Variants in DLG2 observed in about 807,000 individuals in gnomAD.
The protein encoded by DLG2 is discs large MAGUK scaffold protein 2, also known as disks large homolog 2.
DLG2 carries 45 observed loss-of-function variants against 132.5 expected under a neutral mutation model. The ratio of observed to expected loss-of-function variants is 0.34; its 90% CI spans 0.27 to 0.44. The LOEUF is 0.44. Among genes scored for constraint, DLG2 ranks in the 20% least tolerant of loss-of-function variants. DLG2 has a pLI of 1.00. For missense variants in DLG2, 1,045 were observed against 1,196.9 expected (o/e 0.87, Z 1.87); for synonymous variants, 424 against 419.6 (o/e 1.01, Z -0.13).
intron 9 of DLG2, among the ~76,000 whole-genome samples, chr11:84,145,328 C>T (rs1356437438): frequency 6.6e-6 from 1 of 152,188 alleles, no homozygotes. Context: ...CTTAAGCAAA[C>T]ATAGATGGTA....
intron 7 of DLG2, among the ~76,000 whole-genome samples, chr11:84,476,546 C>A (rs775302032): frequency 1.3e-5 from 2 of 152,150 alleles, no homozygotes; most frequent in African/African-American, 4.8e-5. Flanking sequence ...ACAAGCAACA[C>A]TTGTGCAGAA....
intron 18 of DLG2, among the ~76,000 whole-genome samples, chr11:83,670,943 C>T (rs1362586478): frequency 6.6e-6 from 1 of 152,138 alleles, no homozygotes; most frequent in Non-Finnish European, 1.5e-5. Context: ...TGCTGTGTCT[C>T]ATGGAAGGTG....
At chr11:83,485,902 AG>A (rs1837924463) in intron 21 of DLG2, among the ~76,000 whole-genome samples, 2 of 152,294 alleles carry the variant, frequency 1.3e-5, no homozygotes, top group South Asian at 4.1e-4. Context: ...TCAGCAAAGT[AG>A]TAGAGCTCAA....
chr11:84,666,261 T>C (rs1384498850), intron 6 of DLG2, among the ~76,000 whole-genome samples: 2 of 152,108 alleles, frequency 1.3e-5, no homozygotes, highest in Non-Finnish European at 2.9e-5. Context: ...AAGACCTGAA[T>C]AGAACAAACA....
chr11:85,041,596 A>G (rs919092289), intron 6 of DLG2, among the ~76,000 whole-genome samples: 1 of 151,896 alleles, frequency 6.6e-6, no homozygotes, highest in Non-Finnish European at 1.5e-5. Flanking sequence ...TTAGAGAGGG[A>G]TAATACAGGA....
chr11:84,058,179 A>G (rs908645575), intron 11 of DLG2, among the ~76,000 whole-genome samples: 4 of 152,144 alleles, frequency 2.6e-5, no homozygotes, highest in Admixed American at 1.3e-4. Flanking sequence ...TTAGAGATTA[A>G]ATAGATTTTA....
intron 26 of DLG2, 31 bp from the exon 27 acceptor site, chr11:83,462,124 A>T: frequency 7.3e-7 from 1 of 1,376,890 alleles, no homozygotes; most frequent in Admixed American, 1.7e-5. Flanking sequence ...ATTAGAACAT[A>T]AAGGGAATAT....
At chr11:84,354,023 C>G (rs1289368856) in intron 7 of DLG2, among the ~76,000 whole-genome samples, 2 of 152,154 alleles carry the variant, frequency 1.3e-5, no homozygotes, top group Non-Finnish European at 2.9e-5. Context: ...TCTAGGAGGA[C>G]AGAGGGTGTG....
intron 5 of DLG2, among the ~76,000 whole-genome samples, chr11:85,112,982 T>A (rs1314594913): frequency 1.3e-5 from 2 of 152,066 alleles, no homozygotes; most frequent in East Asian, 3.9e-4. Context: ...TGCCTGTGAT[T>A]TGTAAGCTTT....
At chr11:84,838,589 T>C (rs2080142687) in intron 6 of DLG2, among the ~76,000 whole-genome samples, 1 of 151,940 alleles carries the variant, frequency 6.6e-6, no homozygotes, top group Non-Finnish European at 1.5e-5. Context: ...TTTTTATTCA[T>C]AATCCCTAGA....
intron 7 of DLG2, among the ~76,000 whole-genome samples, chr11:84,270,637 A>T (rs1383294973): frequency 6.6e-6 from 1 of 152,164 alleles, no homozygotes; most frequent in African/African-American, 2.4e-5. Flanking sequence ...TTCATAGCTT[A>T]TGGTGTGTGA....
chr11:84,708,756 G>C (rs1052443677), intron 6 of DLG2, among the ~76,000 whole-genome samples: 1 of 151,650 alleles, frequency 6.6e-6, no homozygotes, highest in Non-Finnish European at 1.5e-5. Flanking sequence ...GCAATTTGTT[G>C]GGGAAATAGC....
chr11:84,001,970 T>C (rs1419558429), intron 11 of DLG2, among the ~76,000 whole-genome samples: 1 of 151,828 alleles, frequency 6.6e-6, no homozygotes, highest in Non-Finnish European at 1.5e-5. Context: ...TTTATAGCAA[T>C]AAACATCATA....
At chr11:84,094,045 T>A (rs1373836462) in intron 10 of DLG2, among the ~76,000 whole-genome samples, 1 of 152,036 alleles carries the variant, frequency 6.6e-6, no homozygotes, top group African/African-American at 2.4e-5. Context: ...TATGTATACA[T>A]GTGCCATGCT....
At chr11:84,812,450 A>C (rs1319692587) in intron 6 of DLG2, among the ~76,000 whole-genome samples, 2 of 152,164 alleles carry the variant, frequency 1.3e-5, no homozygotes, top group Admixed American at 6.5e-5. Flanking sequence ...TTAAAGCCTC[A>C]GATTGCTTAG....
chr11:85,154,912 T>A (rs1005656126), intron 4 of DLG2, among the ~76,000 whole-genome samples: 1 of 152,138 alleles, frequency 6.6e-6, no homozygotes. Flanking sequence ...CATGGGCTAT[T>A]CAAAAGTAAA....
intron 6 of DLG2, among the ~76,000 whole-genome samples, chr11:84,542,914 T>C (rs1175072961): frequency 2.3e-5 from 2 of 88,726 alleles, no homozygotes; most frequent in African/African-American, 9.5e-5. Flanking sequence ...CATTTACTTT[T>C]AGGGATTTCT....
intron 8 of DLG2, among the ~76,000 whole-genome samples, chr11:84,186,640 G>A (rs762117766): frequency 1.3e-5 from 2 of 151,888 alleles, no homozygotes; most frequent in Admixed American, 6.6e-5. Flanking sequence ...ACGAATATTA[G>A]ATAAGTTAGT....
chr11:85,076,440 C>A (rs2066561171), intron 6 of DLG2, among the ~76,000 whole-genome samples: 1 of 151,990 alleles, frequency 6.6e-6, no homozygotes, highest in Admixed American at 6.6e-5. Context: ...AAACTTTATT[C>A]ATCCACCTGG....
Sources: gnomAD v4.1 joint callset for allele counts (sites outside exome capture counted in the v4.1 genomes callset) on GRCh38, gnomAD v4.1.1 for gene constraint, MANE v1.5 for transcripts, NCBI Gene and HGNC (gene_info 2026-07-23, HGNC 2026-07-21) for gene names.